Variants in KHDRBS2 observed in about 807,000 individuals in gnomAD.
The protein encoded by KHDRBS2 is KH RNA binding domain containing, signal transduction associated 2, also known as KH domain-containing, RNA-binding, signal transduction-associated protein 2.
KHDRBS2 carries 26 observed loss-of-function variants against 44.3 expected under a neutral mutation model. The ratio of observed to expected loss-of-function variants is 0.59; its 90% confidence interval spans 0.43 to 0.81. KHDRBS2 has a LOEUF of 0.81. Ranked by LOEUF, KHDRBS2 falls within the 40% of genes least tolerant of loss-of-function variation. The pLI is 0.00. For missense variants in KHDRBS2, 476 were observed against 433.1 expected, an observed-to-expected ratio of 1.10 and a Z score of -0.88; for synonymous variants, 194 against 151.1, an observed-to-expected ratio of 1.28 and a Z score of -2.08.
intron 1 of KHDRBS2, among the ~76,000 whole-genome samples, chr6:62,250,695 G>A (rs1025579913): frequency 2.0e-5 from 3 of 151,908 alleles, no homozygotes; most frequent in South Asian, 2.1e-4. Context: ...ATTATCAATG[G>A]ATGCTAAATC....
chr6:61,608,166 G>A, the KHDRBS2 span, among the ~76,000 whole-genome samples: 1 of 151,930 alleles, frequency 6.6e-6, no homozygotes, highest in Non-Finnish European at 1.5e-5. Flanking sequence ...GGACAATGAA[G>A]AGAATACTGA....
intron 8 of KHDRBS2, among the ~76,000 whole-genome samples, chr6:61,686,457 A>C (rs1766823104): frequency 6.6e-6 from 1 of 151,716 alleles, no homozygotes; most frequent in African/African-American, 2.4e-5. Flanking sequence ...TGTTGTTTTG[A>C]GGCTATTTAA....
chr6:61,596,593 C>T, the KHDRBS2 span, among the ~76,000 whole-genome samples: 3 of 151,996 alleles, frequency 2.0e-5, no homozygotes, highest in African/African-American at 7.2e-5. Context: ...TGTTTTATTG[C>T]TCTAAGTAGT....
intron 7 of KHDRBS2, among the ~76,000 whole-genome samples, chr6:61,711,790 A>C (rs1036577494): frequency 6.6e-6 from 1 of 151,864 alleles, no homozygotes; most frequent in African/African-American, 2.4e-5. Flanking sequence ...GTGAAATGGG[A>C]ATTATGATAT....
At chr6:61,570,429 C>T in the KHDRBS2 span, among the ~76,000 whole-genome samples, 1 of 151,612 alleles carries the variant, frequency 6.6e-6, no homozygotes, top group African/African-American at 2.4e-5. Context: ...TGTTAAATGG[C>T]CAAACCTAAG....
At chr6:62,248,720 G>C (rs796185039) in intron 1 of KHDRBS2, among the ~76,000 whole-genome samples, 2 of 152,000 alleles carry the variant, frequency 1.3e-5, no homozygotes, top group African/African-American at 4.8e-5. Flanking sequence ...AAGACTCATG[G>C]GGAGCTCAAT....
At chr6:61,796,854 T>C (rs1449531310) in intron 6 of KHDRBS2, among the ~76,000 whole-genome samples, 1 of 152,132 alleles carries the variant, frequency 6.6e-6, no homozygotes, top group Non-Finnish European at 1.5e-5. Context: ...TTTGAAAATA[T>C]ATCATGTAGT....
intron 4 of KHDRBS2, among the ~76,000 whole-genome samples, chr6:61,902,069 T>A (rs7747749): frequency 0.01 from 1,574 of 152,236 alleles, 28 homozygotes; most frequent in African/African-American, 0.036. Flanking sequence ...AATTCTCCTA[T>A]CTCAGCCTCT....
intron 4 of KHDRBS2, among the ~76,000 whole-genome samples, chr6:61,970,365 A>T (rs1289319989): frequency 1.3e-5 from 2 of 152,068 alleles, no homozygotes; most frequent in Admixed American, 1.3e-4. Flanking sequence ...AAATCCCATC[A>T]TTTTATTTCA....
At chr6:62,131,515 C>T (rs145857470) in intron 2 of KHDRBS2, among the ~76,000 whole-genome samples, 14 of 152,234 alleles carry the variant, frequency 9.2e-5, no homozygotes, top group African/African-American at 2.9e-4. Flanking sequence ...CCGAGGTTAG[C>T]GGAAGGAGTG....
At chr6:61,811,948 A>G (rs934734769) in intron 6 of KHDRBS2, among the ~76,000 whole-genome samples, 2 of 152,156 alleles carry the variant, frequency 1.3e-5, no homozygotes, top group African/African-American at 4.8e-5. Flanking sequence ...GAAAATGCCT[A>G]TAGCACAGAC....
At chr6:61,603,889 T>G in the KHDRBS2 span, among the ~76,000 whole-genome samples, 4 of 152,098 alleles carry the variant, frequency 2.6e-5, no homozygotes, top group African/African-American at 9.7e-5. Flanking sequence ...TTTCCCCATA[T>G]TTCCTTCTTT....
At chr6:62,001,126 G>A (rs1311664100) in intron 3 of KHDRBS2, among the ~76,000 whole-genome samples, 1 of 151,980 alleles carries the variant, frequency 6.6e-6, no homozygotes, top group Non-Finnish European at 1.5e-5. Flanking sequence ...CCTTACTTGA[G>A]GACAATTTAA....
the KHDRBS2 span, among the ~76,000 whole-genome samples, chr6:61,559,660 C>T: frequency 1.3e-5 from 2 of 152,142 alleles, no homozygotes; most frequent in African/African-American, 4.8e-5. Context: ...CAACATAACA[C>T]TGATTGCATA....
intron 6 of KHDRBS2, among the ~76,000 whole-genome samples, chr6:61,867,478 C>T (rs1193254431): frequency 4.6e-5 from 7 of 152,124 alleles, no homozygotes; most frequent in Non-Finnish European, 1.0e-4. Flanking sequence ...CAGCCTCAGC[C>T]CAGTTCTGAA....
chr6:61,672,343 T>C, the KHDRBS2 span, among the ~76,000 whole-genome samples: 5 of 152,070 alleles, frequency 3.3e-5, no homozygotes, highest in Non-Finnish European at 7.4e-5. Flanking sequence ...TGATTTATAG[T>C]CCTTTGGGTA....
chr6:61,704,832 T>C (rs1485413990), intron 7 of KHDRBS2, among the ~76,000 whole-genome samples: 4 of 151,904 alleles, frequency 2.6e-5, no homozygotes, highest in Admixed American at 6.6e-5. Context: ...ATTTTCACAA[T>C]TGATCTCTGC....
chr6:61,750,432 T>G (rs1256631129), intron 6 of KHDRBS2, among the ~76,000 whole-genome samples: 1 of 152,204 alleles, frequency 6.6e-6, no homozygotes. Flanking sequence ...CAATCTTGAT[T>G]AAGACTTTTA....
At chr6:62,273,644 A>G (rs545214332) in intron 1 of KHDRBS2, among the ~76,000 whole-genome samples, 15 of 152,022 alleles carry the variant, frequency 9.9e-5, no homozygotes, top group African/African-American at 3.4e-4. Context: ...TCTCAGGGTG[A>G]TCTCTTCTAC....
Sources: gnomAD v4.1 joint callset for allele counts (sites outside exome capture counted in the v4.1 genomes callset) on GRCh38, gnomAD v4.1.1 for gene constraint, MANE v1.5 for transcripts, NCBI Gene and HGNC (gene_info 2026-07-23, HGNC 2026-07-21) for gene names.